Variants in LRRTM4 observed in about 807,000 individuals in gnomAD.
The protein encoded by LRRTM4 is leucine rich repeat transmembrane neuronal 4, also known as leucine-rich repeat transmembrane neuronal protein 4.
In LRRTM4, 25 loss-of-function variants were observed where a neutral mutation model predicts 47.6. The ratio of observed to expected loss-of-function variants is 0.53; its 90% CI spans 0.38 to 0.73. The LOEUF is 0.73. LRRTM4 is among the 30% of genes least tolerant of loss of function. LRRTM4 has a pLI of 0.00. For synonymous variants in LRRTM4, 311 were observed against 269.5 expected (o/e 1.15, Z -1.51); for missense variants, 638 against 713.4 (o/e 0.89, Z 1.20).
chr2:77,060,991 A>C (rs1421508454), intron 3 of LRRTM4, among the ~76,000 whole-genome samples: 1 of 152,190 alleles, frequency 6.6e-6, no homozygotes, highest in Non-Finnish European at 1.5e-5. Context: ...AGTAAAAAAC[A>C]CAACAGTTTA....
chr2:77,312,959 T>C (rs1677499658), intron 3 of LRRTM4, among the ~76,000 whole-genome samples: 1 of 152,226 alleles, frequency 6.6e-6, no homozygotes, highest in Non-Finnish European at 1.5e-5. Context: ...TAAGGGTGCA[T>C]GCCAAGAGTT....
intron 3 of LRRTM4, among the ~76,000 whole-genome samples, chr2:76,807,650 G>C (rs139235738): frequency 4.8e-5 from 7 of 145,728 alleles, no homozygotes; most frequent in African/African-American, 1.8e-4. Flanking sequence ...GGAGTGCAAC[G>C]GTGCGATCTC....
chr2:77,086,568 C>G (rs1286298986), intron 3 of LRRTM4, among the ~76,000 whole-genome samples: 1 of 151,108 alleles, frequency 6.6e-6, no homozygotes, highest in East Asian at 2.0e-4. Flanking sequence ...ACCTCTGCCT[C>G]CTGGACTCAA....
At chr2:77,363,962 C>A (rs1313864278) in intron 3 of LRRTM4, among the ~76,000 whole-genome samples, 2 of 151,972 alleles carry the variant, frequency 1.3e-5, no homozygotes, top group African/African-American at 4.8e-5. Context: ...GTATAATTCC[C>A]CATATGATTG....
At chr2:77,334,959 G>C (rs1671106773) in intron 3 of LRRTM4, among the ~76,000 whole-genome samples, 1 of 152,102 alleles carries the variant, frequency 6.6e-6, no homozygotes, top group Admixed American at 6.6e-5. Flanking sequence ...TAGACATTTA[G>C]TAAATGCTAG....
intron 3 of LRRTM4, among the ~76,000 whole-genome samples, chr2:77,046,665 T>C (rs1049957988): frequency 2.5e-4 from 38 of 151,968 alleles, no homozygotes; most frequent in African/African-American, 8.7e-4. Context: ...ATTCACACTA[T>C]GAGAAATAGT....
intron 3 of LRRTM4, among the ~76,000 whole-genome samples, chr2:77,260,374 CGTGT>C (rs58758948): frequency 0.076 from 10,666 of 140,422 alleles, 994 homozygotes; most frequent in African/African-American, 0.23. Flanking sequence ...ACCAAAAAAT[CGTGT>C]GTGTGTGTGT....
chr2:76,884,674 G>GA (rs1673020454), intron 3 of LRRTM4, among the ~76,000 whole-genome samples: 1 of 152,024 alleles, frequency 6.6e-6, no homozygotes, highest in Non-Finnish European at 1.5e-5. Flanking sequence ...GCATGGTAGA[G>GA]AAAAAAGAGA....
In LRRTM4 at chr2:77,429,322, T is replaced by C. The variant is rs13417698; in HGVS notation, c.1551+88996A>G. Among the ~76,000 whole-genome samples, 251 of 152,278 alleles carry C rather than the reference T, an allele frequency of 1.6e-3. 2 individuals carry two copies. Among genetic ancestry groups the C allele is most frequent in the African/African-American group, 5.6e-3 (231 of 41,562 alleles). On this transcript the variant is annotated intron_variant, in intron 3 of 3. Transcript: ENST00000409884. ...TATCTAAGAATTACAATATGCACTTTCATTCAAAAAGCAATCTCACTACTT... is the reference window on the plus strand; with the variant it reads ...TATCTAAGAATTACAATATGCACTTCCATTCAAAAAGCAATCTCACTACTT...
chr2:77,222,095 C>T (rs1181848387), intron 3 of LRRTM4, among the ~76,000 whole-genome samples: 1 of 152,132 alleles, frequency 6.6e-6, no homozygotes, highest in African/African-American at 2.4e-5. Flanking sequence ...ACAACCTGCT[C>T]CTGAATGACT....
At chr2:76,964,782 G>A (rs934244097) in intron 3 of LRRTM4, among the ~76,000 whole-genome samples, 17 of 150,054 alleles carry the variant, frequency 1.1e-4, no homozygotes, top group African/African-American at 4.1e-4. Context: ...ACAGAGAAAA[G>A]CAATGAAATA....
chr2:76,792,946 G>A (rs914485395), intron 3 of LRRTM4, among the ~76,000 whole-genome samples: 2 of 152,130 alleles, frequency 1.3e-5, no homozygotes, highest in East Asian at 3.9e-4. Flanking sequence ...TAGGGGTGGA[G>A]GGTGAATCCT....
intron 3 of LRRTM4, among the ~76,000 whole-genome samples, chr2:76,966,777 T>C (rs1308229187): frequency 2.0e-5 from 3 of 151,538 alleles, no homozygotes; most frequent in African/African-American, 7.3e-5. Flanking sequence ...TATACAACAT[T>C]GTACAGTGGT....
chr2:77,479,514 T>C (rs932780370), intron 3 of LRRTM4, among the ~76,000 whole-genome samples: 10 of 152,168 alleles, frequency 6.6e-5, no homozygotes, highest in African/African-American at 2.2e-4. Flanking sequence ...TGCTAATCTC[T>C]CCAGACTCCT....
In LRRTM4 at chr2:76,977,047, G is replaced by A. The variant is rs570624255; in HGVS notation, c.1552-228131C>T. ...TGTGTGTTTACATGTGTCAGTGTAC[G>A]TGTATGTGTACATAGATTTTTCTCA... is the stretch of plus-strand genomic sequence containing the variant. On this transcript the variant is annotated intron_variant, in intron 3 of 3. Transcript: ENST00000409884. 1.8e-4 allele frequency among the ~76,000 whole-genome samples: 28 copies of A among 151,684 alleles called. 1 individual carries two copies. Among genetic ancestry groups the A allele is most frequent in the Middle Eastern group, 6.8e-3 (2 of 294 alleles).
intron 3 of LRRTM4, among the ~76,000 whole-genome samples, chr2:76,795,594 C>CAT (rs59362311): frequency 0.045 from 6,756 of 151,704 alleles, 466 homozygotes; most frequent in African/African-American, 0.14. Flanking sequence ...CACACACATA[C>CAT]ACACACACTA....
At chr2:77,389,184 G>A (rs1020829707) in intron 3 of LRRTM4, among the ~76,000 whole-genome samples, 1 of 152,074 alleles carries the variant, frequency 6.6e-6, no homozygotes, top group Admixed American at 6.6e-5. Context: ...CAAACATATT[G>A]CCAATCCAAC....
At chr2:77,438,508 G>A (rs770079738) in intron 3 of LRRTM4, among the ~76,000 whole-genome samples, 12 of 142,108 alleles carry the variant, frequency 8.4e-5, no homozygotes, top group Admixed American at 4.4e-4. Context: ...CCGGGTTCAC[G>A]CCATTCTCCT....
chr2:77,446,820 C>T (rs192794279), intron 3 of LRRTM4, among the ~76,000 whole-genome samples: 1 of 152,184 alleles, frequency 6.6e-6, no homozygotes, highest in Non-Finnish European at 1.5e-5. Context: ...TCTGCCATTA[C>T]CCTCTACTAG....
Sources: gnomAD v4.1 joint callset for allele counts (sites outside exome capture counted in the v4.1 genomes callset) on GRCh38, gnomAD v4.1.1 for gene constraint, MANE v1.5 for transcripts, NCBI Gene and HGNC (gene_info 2026-07-23, HGNC 2026-07-21) for gene names.